The following ADAMTS3 variants were observed in gnomAD, a reference collection of about 807,000 sequenced individuals.
The protein encoded by ADAMTS3 is A disintegrin and metalloproteinase with thrombospondin motifs 3.
In ADAMTS3, 73 loss-of-function variants were observed where a neutral mutation model predicts 129.0. That is an observed-to-expected ratio of 0.57 (90% confidence interval 0.47 to 0.69). The LOEUF is 0.69. Ranked by LOEUF, ADAMTS3 falls within the 30% of genes least tolerant of loss-of-function variation. The probability of loss-of-function intolerance (pLI) is 0.00; values close to 1 mark genes in which losing one functional copy is unlikely to be tolerated. For missense variants in ADAMTS3, 1,457 were observed against 1,514.5 expected (o/e 0.96, Z 0.63); for synonymous variants, 477 against 510.8 (o/e 0.93, Z 0.89).
intron 3 of ADAMTS3, among the ~76,000 whole-genome samples, chr4:72,545,645 C>G (rs73825568): frequency 0.012 from 1,756 of 152,210 alleles, 36 homozygotes; most frequent in African/African-American, 0.041. Context: ...TTCTTCAGAC[C>G]TTCTAAAGTC....
intron 3 of ADAMTS3, among the ~76,000 whole-genome samples, chr4:72,457,983 C>T (rs10031735): frequency 0.93 from 139,787 of 150,856 alleles, 65,572 homozygotes; most frequent in East Asian, 1. Flanking sequence ...AAAGGACAGA[C>T]AGCCCCTGGC....
rs1413790965 is a variant in ADAMTS3, at chr4:72,479,937, T to G, written c.505-64966A>C. 8.5e-5 allele frequency among the ~76,000 whole-genome samples: 13 copies of G among 152,048 alleles called. No homozygotes were observed. In the East Asian group the frequency reaches 1.5e-3, roughly 18 times the overall value. ...GACATTTATGCAGCCAAAAGACACATGAAAAAATGCTCATCATCACTGGCC... is the reference window on the plus strand; with the variant it reads ...GACATTTATGCAGCCAAAAGACACAGGAAAAAATGCTCATCATCACTGGCC... On this transcript the variant is annotated intron_variant, in intron 3 of 21. Transcript: ENST00000286657.
chr4:72,378,072 T>C (rs904726193), intron 4 of ADAMTS3, among the ~76,000 whole-genome samples: 1 of 152,198 alleles, frequency 6.6e-6, no homozygotes, highest in Non-Finnish European at 1.5e-5. Flanking sequence ...TTAGATAAAA[T>C]TGAAATGCAT....
chr4:72,429,193 A>C (rs906042218), intron 3 of ADAMTS3, among the ~76,000 whole-genome samples: 10 of 152,092 alleles, frequency 6.6e-5, no homozygotes, highest in African/African-American at 2.4e-4. Flanking sequence ...TTTGCTCCAA[A>C]ATGAATTTTA....
chr4:72,464,240 G>A (rs1266739341), intron 3 of ADAMTS3, among the ~76,000 whole-genome samples: 1 of 152,032 alleles, frequency 6.6e-6, no homozygotes, highest in African/African-American at 2.4e-5. Context: ...GAAAATAAGA[G>A]TGAAGAAGGA....
At chr4:72,305,953 T>G (rs1289652325) in intron 16 of ADAMTS3, 34 bp downstream of exon 16, 1 of 1,550,292 alleles carries the variant, frequency 6.5e-7, no homozygotes, top group Non-Finnish European at 8.9e-7. Flanking sequence ...TTTCAGTGCA[T>G]GTTAAAGCAG....
chr4:72,449,191 A>G (rs924594809), intron 3 of ADAMTS3, among the ~76,000 whole-genome samples: 3 of 151,620 alleles, frequency 2.0e-5, no homozygotes, highest in African/African-American at 7.3e-5. Context: ...GTTCCCACCG[A>G]GTCCCATGGT....
At chr4:72,395,989 T>C (rs938503535) in intron 4 of ADAMTS3, among the ~76,000 whole-genome samples, 1 of 152,176 alleles carries the variant, frequency 6.6e-6, no homozygotes, top group Non-Finnish European at 1.5e-5. Flanking sequence ...TGAACGAAAG[T>C]GGAAACAACA....
In ADAMTS3 at chr4:72,315,978, G is replaced by A; in HGVS notation, c.1486-7C>T. The A allele has an allele frequency of 6.4e-7, 1 of 1,566,044 alleles. No individual in the cohort carries two copies. Among genetic ancestry groups the A allele is most frequent in the South Asian group, 1.1e-5 (1 of 87,932 alleles). ...ATGGGTCAAAGGTTCGGAACTGGAA[G>A]ATAGATAATCAAATTGTCAGTGAAC... On this transcript the variant is annotated splice_region_variant and splice_polypyrimidine_tract_variant and intron_variant, in intron 10 of 21. Transcript: ENST00000286657.
intron 3 of ADAMTS3, among the ~76,000 whole-genome samples, chr4:72,488,747 C>T (rs769822153): frequency 6.6e-5 from 10 of 151,738 alleles, no homozygotes; most frequent in Non-Finnish European, 1.0e-4. Context: ...AATTAATTAA[C>T]CTATCACCTC....
chr4:72,366,808 T>C (rs1352809848), intron 4 of ADAMTS3, among the ~76,000 whole-genome samples: 1 of 151,986 alleles, frequency 6.6e-6, no homozygotes, highest in African/African-American at 2.4e-5. Context: ...CTCATAAAGT[T>C]AATTAACATC....
chr4:72,342,613 C>T (rs1036214512), intron 4 of ADAMTS3, among the ~76,000 whole-genome samples: 2 of 152,086 alleles, frequency 1.3e-5, no homozygotes, highest in Admixed American at 6.6e-5. Flanking sequence ...CCTCAGCGAT[C>T]TGCCTGCCTC....
At chr4:72,446,429 C>T (rs1406611822) in intron 3 of ADAMTS3, among the ~76,000 whole-genome samples, 1 of 151,554 alleles carries the variant, frequency 6.6e-6, no homozygotes, top group Non-Finnish European at 1.5e-5. Context: ...GAGATCATTT[C>T]CTCAAATCAG....
chr4:72,357,055 A>G (rs909222152), intron 4 of ADAMTS3, among the ~76,000 whole-genome samples: 1 of 151,936 alleles, frequency 6.6e-6, no homozygotes, highest in African/African-American at 2.4e-5. Context: ...ACATTGTTAA[A>G]CATCAGAAAA....
At chr4:72,550,839 TATGTGTACTGACAAA>T (rs1316412991) in intron 2 of ADAMTS3, among the ~76,000 whole-genome samples, 1 of 152,142 alleles carries the variant, frequency 6.6e-6, no homozygotes, top group Non-Finnish European at 1.5e-5. Context: ...CAAGCCCTTG[TATGTGTACTGACAAA>T]ACATAGCCCA....
chr4:72,477,405 C>T (rs966074061), intron 3 of ADAMTS3, among the ~76,000 whole-genome samples: 1 of 152,122 alleles, frequency 6.6e-6, no homozygotes, highest in Non-Finnish European at 1.5e-5. Context: ...AAGCGCTCAA[C>T]TACATGGAAA....
chr4:72,484,381 C>T (rs1329043980), intron 3 of ADAMTS3, among the ~76,000 whole-genome samples: 4 of 152,120 alleles, frequency 2.6e-5, no homozygotes, highest in African/African-American at 7.2e-5. Flanking sequence ...CCTTTCAAAA[C>T]TTGGGATCCT....
intron 3 of ADAMTS3, among the ~76,000 whole-genome samples, chr4:72,460,350 G>A (rs1322214768): frequency 1.3e-5 from 2 of 151,344 alleles, no homozygotes; most frequent in Admixed American, 6.6e-5. Context: ...CCATTTGAAA[G>A]CAACTTCAAA....
intron 3 of ADAMTS3, among the ~76,000 whole-genome samples, chr4:72,444,440 G>C (rs1718200070): frequency 6.6e-6 from 1 of 151,652 alleles, no homozygotes; most frequent in Non-Finnish European, 1.5e-5. Flanking sequence ...TCTAAACCCA[G>C]GTTTACAATT....
Sources: gnomAD v4.1 joint callset for allele counts (sites outside exome capture counted in the v4.1 genomes callset) on GRCh38, gnomAD v4.1.1 for gene constraint, MANE v1.5 for transcripts, NCBI Gene and HGNC (gene_info 2026-07-23, HGNC 2026-07-21) for gene names.